ADCY8: variants seen among roughly 807,000 people sequenced by gnomAD.
The protein encoded by ADCY8 is adenylate cyclase 8, also known as adenylate cyclase type 8.
A neutral mutation model predicts 119.7 loss-of-function variants in ADCY8; 51 were observed. The ratio of observed to expected loss-of-function variants is 0.43; its 90% CI spans 0.34 to 0.54. The LOEUF is 0.54. Ranked by LOEUF, ADCY8 falls within the 20% of genes least tolerant of loss-of-function variation. The probability of loss-of-function intolerance (pLI) is 0.03; values close to 1 mark genes in which losing one functional copy is unlikely to be tolerated. For missense variants in ADCY8, 1,383 were observed against 1,598.8 expected (o/e 0.87, Z 2.30); for synonymous variants, 665 against 651.0 (o/e 1.02, Z -0.33).
intron 9 of ADCY8, among the ~76,000 whole-genome samples, chr8:130,862,660 G>T (rs367738293): frequency 6.6e-6 from 1 of 152,206 alleles, no homozygotes; most frequent in South Asian, 2.1e-4. Flanking sequence ...TGATCTGCCC[G>T]CCTCGGCCTC....
intron 2 of ADCY8, among the ~76,000 whole-genome samples, chr8:130,977,493 C>T (rs1000317636): frequency 2.6e-5 from 4 of 152,150 alleles, no homozygotes; most frequent in Non-Finnish European, 5.9e-5. Context: ...AATTCAGTCT[C>T]TGGTAGTCTG....
intron 2 of ADCY8, among the ~76,000 whole-genome samples, chr8:130,975,763 C>T (rs988468205): frequency 6.6e-6 from 1 of 152,110 alleles, no homozygotes; most frequent in African/African-American, 2.4e-5. Context: ...GTCTATGTAG[C>T]CATTAAGTTG....
At chr8:130,884,494 T>G (rs1176998407) in intron 8 of ADCY8, 70 bp downstream of exon 8, 3 of 1,529,986 alleles carry the variant, frequency 2.0e-6, no homozygotes, top group Non-Finnish European at 2.7e-6. Context: ...CCCTGGGCTC[T>G]CTCTCTAGTC....
chr8:130,810,941 A>T (rs1816144581), intron 14 of ADCY8, among the ~76,000 whole-genome samples: 1 of 151,962 alleles, frequency 6.6e-6, no homozygotes, highest in South Asian at 2.1e-4. Context: ...CGGTGTCTTG[A>T]TTAAAAAGCT....
chr8:130,990,645 A>G, intron 1 of ADCY8, 103 bp from the exon 2 acceptor site: 2 of 1,412,736 alleles, frequency 1.4e-6, no homozygotes, highest in Non-Finnish European at 1.9e-6. Context: ...ATCCTAATGT[A>G]GTAATCCATA....
chr8:130,782,206 C>G (rs1252025311), intron 17 of ADCY8, among the ~76,000 whole-genome samples: 1 of 152,030 alleles, frequency 6.6e-6, no homozygotes, highest in East Asian at 1.9e-4. Flanking sequence ...CGTATACCCA[C>G]TGATATAAGT....
At chr8:130,961,712 A>G (rs1383831071) in intron 2 of ADCY8, among the ~76,000 whole-genome samples, 1 of 152,066 alleles carries the variant, frequency 6.6e-6, no homozygotes, top group Non-Finnish European at 1.5e-5. Flanking sequence ...TTCTTTGTTC[A>G]CTCAGGATCC....
intron 4 of ADCY8, 107 bp from the exon 5 acceptor site, chr8:130,937,307 G>T: frequency 8.4e-7 from 1 of 1,186,936 alleles, no homozygotes; most frequent in Non-Finnish European, 1.1e-6. Context: ...GCAACTTGGG[G>T]TAAGGAGAAC....
chr8:130,928,435 T>C (rs1820535853), intron 5 of ADCY8, among the ~76,000 whole-genome samples: 1 of 152,190 alleles, frequency 6.6e-6, no homozygotes, highest in African/African-American at 2.4e-5. Flanking sequence ...CCTTTATTAT[T>C]TTGAGGTACA....
At chr8:130,946,929 A>C (rs927386978) in intron 3 of ADCY8, among the ~76,000 whole-genome samples, 1 of 152,200 alleles carries the variant, frequency 6.6e-6, no homozygotes, top group African/African-American at 2.4e-5. Flanking sequence ...TAGTTGTACA[A>C]TAAGGATTTA....
At chr8:131,005,948 T>C (rs972314876) in intron 1 of ADCY8, among the ~76,000 whole-genome samples, 3 of 152,180 alleles carry the variant, frequency 2.0e-5, no homozygotes, top group East Asian at 1.9e-4. Context: ...GAATAATACA[T>C]GAACCACACC....
intron 3 of ADCY8, among the ~76,000 whole-genome samples, chr8:130,948,323 C>T (rs753368764): frequency 2.6e-5 from 4 of 152,146 alleles, no homozygotes; most frequent in South Asian, 2.1e-4. Context: ...GGATGGAGAG[C>T]GTGAATGACT....
At chr8:130,876,943 A>G (rs913273457) in intron 8 of ADCY8, among the ~76,000 whole-genome samples, 27 of 151,920 alleles carry the variant, frequency 1.8e-4, no homozygotes, top group Non-Finnish European at 1.3e-4. Flanking sequence ...GACACAGTGA[A>G]CTCTACTTGA....
intron 7 of ADCY8, among the ~76,000 whole-genome samples, chr8:130,894,535 A>G (rs1819317011): frequency 1.3e-5 from 2 of 152,178 alleles, no homozygotes; most frequent in South Asian, 4.1e-4. Flanking sequence ...AAAGTCACAC[A>G]GTGGGAAGAG....
At chr8:130,851,494 G>A (rs1029051969) in intron 9 of ADCY8, among the ~76,000 whole-genome samples, 9 of 152,184 alleles carry the variant, frequency 5.9e-5, no homozygotes, top group African/African-American at 1.9e-4. Flanking sequence ...AGGCAGTGTG[G>A]CTGTGCTCAG....
At chr8:130,858,898 A>ATGTG (rs1475276227) in intron 9 of ADCY8, among the ~76,000 whole-genome samples, 1 of 142,468 alleles carries the variant, frequency 7.0e-6, no homozygotes, top group African/African-American at 2.8e-5. Context: ...ATTATCATGT[A>ATGTG]TATGTGTGTG....
At chr8:130,808,969 A>T (rs567767622) in intron 14 of ADCY8, among the ~76,000 whole-genome samples, 560 of 12,488 alleles carry the variant, frequency 0.045, 3 homozygotes, top group Non-Finnish European at 0.059. Context: ...TTGATGAGAT[A>T]CTCAGGCCGG....
At chr8:130,999,967 G>A (rs2130760056) in intron 1 of ADCY8, among the ~76,000 whole-genome samples, 1 of 152,334 alleles carries the variant, frequency 6.6e-6, no homozygotes, top group Non-Finnish European at 1.5e-5. Flanking sequence ...TTTGGAGAAT[G>A]TTAAAACTGA....
intron 2 of ADCY8, among the ~76,000 whole-genome samples, chr8:130,975,321 CTGTT>C (rs1281404076): frequency 1.3e-5 from 2 of 152,210 alleles, no homozygotes; most frequent in African/African-American, 4.8e-5. Context: ...GTACTTGACT[CTGTT>C]TGACTATTCA....
Sources: allele counts gnomAD v4.1 joint callset (sites outside exome capture counted in the v4.1 genomes callset), GRCh38; gene constraint gnomAD v4.1.1; transcripts MANE v1.5; gene names NCBI Gene and HGNC (gene_info 2026-07-23, HGNC 2026-07-21).